SCNN1B: variants seen among roughly 807,000 people sequenced by gnomAD.
SCNN1B encodes the protein epithelial sodium channel subunit beta.
SCNN1B carries 46 observed loss-of-function variants against 65.3 expected under a neutral mutation model. The ratio of observed to expected loss-of-function variants is 0.70; its 90% confidence interval spans 0.56 to 0.90. The LOEUF is 0.90. SCNN1B is among the 40% of genes least tolerant of loss of function. The probability of loss-of-function intolerance (pLI) is 0.00; values close to 1 mark genes in which losing one functional copy is unlikely to be tolerated. For missense variants in SCNN1B, 751 were observed against 830.5 expected, an observed-to-expected ratio of 0.90 and a Z score of 1.18; for synonymous variants, 349 against 330.6, an observed-to-expected ratio of 1.06 and a Z score of -0.60.
rs771384835 is a variant in SCNN1B at position 23,380,391 on chromosome 16, G to A, written c.1543-30G>A. The A allele has an allele frequency of 1.2e-6, 2 of 1,613,766 alleles. No homozygotes were observed. The highest frequency in any genetic ancestry group is 2.2e-5 in the South Asian group (2 of 91,062). On this transcript the variant is annotated intron_variant, in intron 12 of 12. Transcript: ENST00000343070. This position sits in a 1 kb window ranked among gnomAD's most constrained non-coding sequence, Gnocchi z 5.4. ...GGCTAGAGGCAAGAATGTGTGGCCTGAGCTCACCCCAGCTCCCTGTTCCCC... is the reference window on the plus strand; with the variant it reads ...GGCTAGAGGCAAGAATGTGTGGCCTAAGCTCACCCCAGCTCCCTGTTCCCC...
At chr16:23,281,246 A>T (rs1480494109) in intron 1 of SCNN1B, among the ~76,000 whole-genome samples, 1 of 152,234 alleles carries the variant, frequency 6.6e-6, no homozygotes, top group Admixed American at 6.5e-5. Flanking sequence ...CAGCCTGGCC[A>T]ACATGGTGAA....
chr16:23,287,234 A>G (rs1034140508), intron 2 of SCNN1B, among the ~76,000 whole-genome samples: 2 of 151,586 alleles, frequency 1.3e-5, no homozygotes, highest in African/African-American at 4.8e-5. Flanking sequence ...CAAACTCCTG[A>G]CTTCAGGTAA....
chr16:23,360,006 C>G (rs1384329358), intron 4 of SCNN1B, among the ~76,000 whole-genome samples: 1 of 151,918 alleles, frequency 6.6e-6, no homozygotes, highest in African/African-American at 2.4e-5. Context: ...AGTTTGAGAC[C>G]AGCCTGGCAA....
At chr16:23,281,046 C>T (rs992085278) in intron 1 of SCNN1B, among the ~76,000 whole-genome samples, 2 of 152,150 alleles carry the variant, frequency 1.3e-5, no homozygotes, top group Admixed American at 6.5e-5. Context: ...AGGCACAAAT[C>T]GTGCCTCCTC....
intron 1 of SCNN1B, among the ~76,000 whole-genome samples, chr16:23,308,742 C>T (rs1046854349): frequency 6.6e-6 from 1 of 152,188 alleles, no homozygotes; most frequent in African/African-American, 2.4e-5. Flanking sequence ...AAGCGATTCT[C>T]CTGCCTCAGC....
chr16:23,305,551 TA>T (rs1295642124), intron 1 of SCNN1B, among the ~76,000 whole-genome samples: 7,650 of 52,814 alleles, frequency 0.14, 1,680 homozygotes, highest in African/African-American at 0.49. Context: ...TATATATATA[TA>T]TATATATATA....
At chr16:23,374,826 A>T (rs550134839) in intron 7 of SCNN1B, among the ~76,000 whole-genome samples, 3 of 151,338 alleles carry the variant, frequency 2.0e-5, no homozygotes, top group Non-Finnish European at 4.4e-5. Context: ...GGTAGGGAGG[A>T]GCTGGCCAGG....
intron 1 of SCNN1B, among the ~76,000 whole-genome samples, chr16:23,345,707 C>T (rs1962171688): frequency 6.6e-6 from 1 of 152,194 alleles, no homozygotes; most frequent in Non-Finnish European, 1.5e-5. Context: ...AGCCTGGCAA[C>T]TCACACCAAC....
At chr16:23,376,504 A>G (rs372645667) in intron 8 of SCNN1B, among the ~76,000 whole-genome samples, 3 of 152,216 alleles carry the variant, frequency 2.0e-5, no homozygotes, top group East Asian at 1.9e-4. Flanking sequence ...GCATGATGGT[A>G]GCCTCCAAGG....
intron 1 of SCNN1B, among the ~76,000 whole-genome samples, chr16:23,316,664 C>A (rs1961475901): frequency 7.0e-6 from 1 of 143,300 alleles, no homozygotes. Context: ...CATCACCATC[C>A]TCACCATCAT....
chr16:23,310,450 G>T (rs1961317551), intron 1 of SCNN1B, among the ~76,000 whole-genome samples: 1 of 149,740 alleles, frequency 6.7e-6, no homozygotes, highest in Admixed American at 6.6e-5. Flanking sequence ...GAAGGCCAAG[G>T]TGGGAGGATT....
intron 1 of SCNN1B, among the ~76,000 whole-genome samples, chr16:23,314,093 C>T (rs1199138069): frequency 6.6e-6 from 1 of 152,132 alleles, no homozygotes; most frequent in Non-Finnish European, 1.5e-5. Context: ...AATCACAGCT[C>T]ACTGCAGCCT....
rs1310201773 is a variant in SCNN1B at position 23,380,745 on chromosome 16, C to T, written c.1867C>T (p.Leu623=). The T allele has an allele frequency of 1.2e-6, 2 of 1,612,756 alleles. No homozygotes were observed. The highest frequency in any genetic ancestry group is 8.5e-7 in the Non-Finnish European group (1 of 1,179,942). The change falls in exon 13 of 13, where the codon CTG becomes TTG. Residue 623 remains leucine, a synonymous_variant. Coordinates refer to ENST00000343070, the MANE Select transcript of SCNN1B (RefSeq NM_000336.3). The surrounding 1 kb of genome is among the most constrained non-coding windows in gnomAD (Gnocchi z 5.4). ...CACCCCGCCCCCCAACTATGACTCC[C>T]TGCGTCTGCAGCCGCTGGACGTCAT... ...PGTPPPNYDS[L]RLQPLDVIES...
chr16:23,378,806 A>G (rs1244066407), intron 11 of SCNN1B, 39 bp downstream of exon 11: 4 of 1,596,362 alleles, frequency 2.5e-6, no homozygotes, highest in Non-Finnish European at 2.6e-6. Context: ...AAGACAGGGA[A>G]GGGGTCCAGA....
chr16:23,314,755 C>A (rs1034535691), intron 1 of SCNN1B, among the ~76,000 whole-genome samples: 5 of 152,240 alleles, frequency 3.3e-5, no homozygotes, highest in African/African-American at 1.2e-4. Context: ...TCTCCCCCAA[C>A]AAAGAGGGTA....
chr16:23,309,754 C>T (rs555654560), intron 1 of SCNN1B, among the ~76,000 whole-genome samples: 2 of 152,318 alleles, frequency 1.3e-5, no homozygotes, highest in Admixed American at 6.5e-5. Flanking sequence ...AAGTGTTAAT[C>T]TCCTTTGGCA....
intron 2 of SCNN1B, among the ~76,000 whole-genome samples, chr16:23,296,787 GT>G (rs1377669738): frequency 1.3e-5 from 2 of 152,116 alleles, no homozygotes; most frequent in Non-Finnish European, 2.9e-5. Context: ...AGATCACGGG[GT>G]CAGGAGATCG....
rs1158289135 is a variant in SCNN1B at position 23,380,968 on chromosome 16, C to T, written c.*167C>T. 1.3e-6 allele frequency: 1 copy of T among 752,162 alleles called. No individual in the cohort carries two copies. Among genetic ancestry groups the T allele is most frequent in the Non-Finnish European group, 2.4e-6 (1 of 423,626 alleles). The allele number at this position is 752,162 out of a possible 1,614,324, so 46.6% of individuals were successfully genotyped here. On this transcript the variant is annotated 3_prime_UTR_variant, in exon 13 of 13. Coordinates refer to ENST00000343070, the MANE Select transcript of SCNN1B (RefSeq NM_000336.3). This position sits in a 1 kb window ranked among gnomAD's most constrained non-coding sequence, Gnocchi z 5.4. ...CAGCGGCAACTGGTCCGTTACTGGC[C>T]AAGGGCTCTGTAGAATCACGGTGCT...
At chr16:23,370,690 C>T (rs1001232570) in intron 5 of SCNN1B, among the ~76,000 whole-genome samples, 8 of 152,152 alleles carry the variant, frequency 5.3e-5, no homozygotes, top group African/African-American at 1.2e-4. Context: ...CATCAGAGAA[C>T]GTTTCTGGAG....
Sources: allele counts gnomAD v4.1 joint callset (sites outside exome capture counted in the v4.1 genomes callset), GRCh38; gene constraint gnomAD v4.1.1; non-coding constraint Gnocchi (gnomAD v3.1); transcripts MANE v1.5; gene names NCBI Gene and HGNC (gene_info 2026-07-23, HGNC 2026-07-21).